IL1RAPL1: variants seen among roughly 807,000 people sequenced by gnomAD.
IL1RAPL1 encodes interleukin-1 receptor accessory protein-like 1.
IL1RAPL1 carries 3 observed loss-of-function variants against 48.4 expected under a neutral mutation model. The ratio of observed to expected loss-of-function variants is 0.06; its 90% CI spans 0.03 to 0.16. IL1RAPL1 has a LOEUF of 0.16. IL1RAPL1 is among the 10% of genes least tolerant of loss of function. The pLI is 1.00. For synonymous variants in IL1RAPL1, 185 were observed against 187.7 expected, an observed-to-expected ratio of 0.99 and a Z score of 0.12; for missense variants, 349 against 530.6, an observed-to-expected ratio of 0.66 and a Z score of 3.36.
chrX:29,681,126 T>G (rs1291742614), intron 6 of IL1RAPL1, among the ~76,000 whole-genome samples: 11 of 112,124 alleles, frequency 9.8e-5, no homozygotes, highest in African/African-American at 2.9e-4. Flanking sequence ...AATTTTAAAT[T>G]TATTGTTAAT....
chrX:29,626,431 A>G (rs139796960), intron 5 of IL1RAPL1, among the ~76,000 whole-genome samples: 3,382 of 111,610 alleles, frequency 0.03, 144 homozygotes, highest in African/African-American at 0.1. Context: ...CAAGGTGACC[A>G]TATCTCACCC....
intron 8 of IL1RAPL1, among the ~76,000 whole-genome samples, chrX:29,927,961 AAGACCAT>A (rs72063838): frequency 0.19 from 20,833 of 108,542 alleles, 1,797 homozygotes; most frequent in African/African-American, 0.29. Flanking sequence ...GAAAGAAGGA[AAGACCAT>A]AGACCATAGC....
intron 9 of IL1RAPL1, among the ~76,000 whole-genome samples, chrX:29,946,157 CTCT>C (rs1290377918): frequency 8.9e-6 from 1 of 112,203 alleles, no homozygotes; most frequent in Non-Finnish European, 1.9e-5. Flanking sequence ...CTACACCACC[CTCT>C]TGTTTTCATT....
intron 5 of IL1RAPL1, among the ~76,000 whole-genome samples, chrX:29,637,249 A>G (rs1266649326): frequency 9.7e-6 from 1 of 103,138 alleles, no homozygotes; most frequent in East Asian, 3.0e-4. Context: ...TAACATATAT[A>G]ACATTATATA....
chrX:29,237,698 T>G (rs757127089), intron 2 of IL1RAPL1, among the ~76,000 whole-genome samples: 1 of 112,045 alleles, frequency 8.9e-6, no homozygotes, highest in African/African-American at 3.2e-5. Context: ...TTGTTAGTAA[T>G]TGTGAAACAA....
Position 29,863,992 on chromosome X carries a change from G to A in IL1RAPL1, c.779-53472G>A, listed in dbSNP as rs1261583601. 2.7e-5 allele frequency among the ~76,000 whole-genome samples: 3 copies of A among 110,944 alleles called. No individual in the cohort carries two copies. The Admixed American group carries it at 2.9e-4, about 11-fold the overall frequency. On this transcript the variant is annotated intron_variant, in intron 6 of 10. Transcript: ENST00000378993. ...AGTAGAGACAGGGTTTCACCATGTT[G>A]GTCAGGATGGTTTCAAACTCCTGAC... is the stretch of plus-strand genomic sequence containing the variant.
chrX:28,726,010 A>C (rs1158399841), intron 1 of IL1RAPL1, among the ~76,000 whole-genome samples: 1 of 112,584 alleles, frequency 8.9e-6, no homozygotes, highest in Admixed American at 9.4e-5. Context: ...AAAGTTATTT[A>C]TGACAATGAA....
chrX:29,719,509 A>G lies in IL1RAPL1; in HGVS notation c.778+51005A>G, dbSNP rs969896147. On this transcript the variant is annotated intron_variant, in intron 6 of 10. Transcript: ENST00000378993. ...ATGAAAGAGTTCTATTGGCCCCGCT[A>G]AAGAGTTGTGGGGTTTTTTAAATCT... Among the ~76,000 whole-genome samples, 3 of 110,713 alleles carry G rather than the reference A, an allele frequency of 2.7e-5. No individual in the cohort carries two copies. In the East Asian group the frequency reaches 8.6e-4, roughly 32 times the overall value.
chrX:28,677,591 A>AC (rs774034773), intron 1 of IL1RAPL1, among the ~76,000 whole-genome samples: 239 of 108,385 alleles, frequency 2.2e-3, no homozygotes, highest in Non-Finnish European at 3.8e-3. Context: ...GCCTTCTGAT[A>AC]CCTTTTTTTT....
At chrX:29,618,557 A>G (rs948522724) in intron 5 of IL1RAPL1, among the ~76,000 whole-genome samples, 1 of 111,687 alleles carries the variant, frequency 9.0e-6, no homozygotes, top group Non-Finnish European at 1.9e-5. Context: ...CAGCTTCTAG[A>G]GGCTGCATTT....
At chrX:28,668,406 A>G (rs778270476) in intron 1 of IL1RAPL1, among the ~76,000 whole-genome samples, 3 of 111,776 alleles carry the variant, frequency 2.7e-5, no homozygotes, top group Admixed American at 9.4e-5. Context: ...TTACAGGCAC[A>G]CACCACCATA....
intron 6 of IL1RAPL1, among the ~76,000 whole-genome samples, chrX:29,883,403 A>G (rs1449695947): frequency 8.9e-6 from 1 of 111,953 alleles, no homozygotes; most frequent in East Asian, 2.8e-4. Flanking sequence ...CAGAAACTTG[A>G]TATATGAAGT....
chrX:29,507,148 G>T (rs1052577829), intron 5 of IL1RAPL1, among the ~76,000 whole-genome samples: 1 of 108,507 alleles, frequency 9.2e-6, no homozygotes, highest in Non-Finnish European at 1.9e-5. Flanking sequence ...TCTGTTGAGG[G>T]GAGGAAGTAA....
rs1934143098 is a variant in IL1RAPL1, at chrX:29,411,540, G to T, written c.703+12232G>T. Among the ~76,000 whole-genome samples the T allele has an allele frequency of 1.8e-5, 2 of 111,235 alleles. 1 individual carries two copies. Among genetic ancestry groups the T allele is most frequent in the South Asian group, 7.5e-4 (2 of 2,670 alleles). On this transcript the variant is annotated intron_variant, in intron 5 of 10. Coordinates refer to ENST00000378993, the MANE Select transcript of IL1RAPL1 (RefSeq NM_014271.4). The stretch of plus-strand genomic sequence containing the variant: ...ATTGAATTTCAAGTGTACTGAGAGT[G>T]TTTTCATTATAATAACCCTGCCAGT...
At chrX:29,602,804 T>C (rs886906202) in intron 5 of IL1RAPL1, among the ~76,000 whole-genome samples, 1 of 112,955 alleles carries the variant, frequency 8.9e-6, no homozygotes, top group Non-Finnish European at 1.9e-5. Context: ...TCATTTGTTA[T>C]GTTACTATTG....
At chrX:29,370,643 A>G (rs1933531277) in intron 3 of IL1RAPL1, among the ~76,000 whole-genome samples, 1 of 110,692 alleles carries the variant, frequency 9.0e-6, no homozygotes, top group South Asian at 3.8e-4. Context: ...ATATTATCTC[A>G]GTATTTCCCA....
chrX:29,660,286 G>A (rs374292856), intron 5 of IL1RAPL1, among the ~76,000 whole-genome samples: 1 of 111,750 alleles, frequency 8.9e-6, no homozygotes, highest in African/African-American at 3.3e-5. Context: ...CATTTTGTAG[G>A]TTGTCTCTTC....
At chrX:28,810,498 A>C (rs1328762079) in intron 2 of IL1RAPL1, among the ~76,000 whole-genome samples, 2 of 111,102 alleles carry the variant, frequency 1.8e-5, no homozygotes, top group Non-Finnish European at 3.8e-5. Flanking sequence ...ACTATCAATA[A>C]TGTAAAGCAA....
intron 1 of IL1RAPL1, among the ~76,000 whole-genome samples, chrX:28,697,156 C>A (rs1272857176): frequency 1.8e-5 from 2 of 110,955 alleles, no homozygotes; most frequent in Non-Finnish European, 3.8e-5. Context: ...AGTTGCTTGG[C>A]TTTTAAATTT....
Sources: gnomAD v4.1 joint callset for allele counts (sites outside exome capture counted in the v4.1 genomes callset) on GRCh38, gnomAD v4.1.1 for gene constraint, MANE v1.5 for transcripts, NCBI Gene and HGNC (gene_info 2026-07-23, HGNC 2026-07-21) for gene names.